Variants in PDE4B observed in about 807,000 individuals in gnomAD.
PDE4B encodes the protein 3',5'-cyclic-AMP phosphodiesterase 4B.
PDE4B carries 20 observed loss-of-function variants against 82.2 expected under a neutral mutation model. The ratio of observed to expected loss-of-function variants is 0.24; its 90% CI spans 0.17 to 0.35. PDE4B has a LOEUF of 0.35. PDE4B is among the 10% of genes least tolerant of loss of function. The probability of loss-of-function intolerance (pLI) is 1.00; values close to 1 mark genes in which losing one functional copy is unlikely to be tolerated. For synonymous variants in PDE4B, 320 were observed against 318.9 expected (o/e 1.00, Z -0.04); for missense variants, 655 against 907.2 (o/e 0.72, Z 3.57).
intron 3 of PDE4B, among the ~76,000 whole-genome samples, chr1:65,977,105 T>G (rs1650448521): frequency 6.6e-6 from 1 of 152,190 alleles, no homozygotes; most frequent in African/African-American, 2.4e-5. Flanking sequence ...GTTATAATTC[T>G]CCCTTTTTCT....
chr1:65,902,392 G>C (rs964631718), intron 1 of PDE4B, among the ~76,000 whole-genome samples: 3 of 152,126 alleles, frequency 2.0e-5, no homozygotes, highest in Non-Finnish European at 4.4e-5. Context: ...TGGTAGCTAA[G>C]TATCAGTGAT....
At chr1:66,228,387 G>A (rs1024015313) in intron 3 of PDE4B, among the ~76,000 whole-genome samples, 1 of 152,132 alleles carries the variant, frequency 6.6e-6, no homozygotes, top group Non-Finnish European at 1.5e-5. Context: ...AACTTTGGGA[G>A]GCCAAGGCGG....
intron 13 of PDE4B, among the ~76,000 whole-genome samples, chr1:66,366,700 G>C (rs1217277268): frequency 6.6e-6 from 1 of 152,198 alleles, no homozygotes; most frequent in African/African-American, 2.4e-5. Context: ...GATTGTATCA[G>C]TTGGTAGAAT....
chr1:66,354,974 C>T (rs1662125109), intron 8 of PDE4B: 5 of 1,258,098 alleles, frequency 4.0e-6, no homozygotes, highest in Non-Finnish European at 5.6e-6. Flanking sequence ...AAGTACAGGA[C>T]ATCTGTAATA....
chr1:66,236,359 T>C (rs1001060429), intron 3 of PDE4B, among the ~76,000 whole-genome samples: 27 of 152,194 alleles, frequency 1.8e-4, no homozygotes, highest in African/African-American at 6.3e-4. Context: ...ACATATGTCA[T>C]GAACTTCACA....
intron 3 of PDE4B, among the ~76,000 whole-genome samples, chr1:65,998,039 G>A (rs1651648746): frequency 6.6e-6 from 1 of 152,014 alleles, no homozygotes; most frequent in Non-Finnish European, 1.5e-5. Context: ...AGGAAATCCT[G>A]TTAACAAATA....
chr1:65,810,663 G>A (rs1049981743), intron 1 of PDE4B, among the ~76,000 whole-genome samples: 3 of 152,164 alleles, frequency 2.0e-5, no homozygotes, highest in African/African-American at 7.2e-5. Context: ...ATTACACAGA[G>A]CCAGGATTCA....
intron 8 of PDE4B, 107 bp from the exon 9 acceptor site, chr1:66,355,420 A>G (rs1468123719): frequency 1.7e-5 from 10 of 587,954 alleles, no homozygotes; most frequent in Non-Finnish European, 3.1e-5. Context: ...ATCTAATGGT[A>G]TCTGCTCATC....
intron 3 of PDE4B, among the ~76,000 whole-genome samples, chr1:65,994,617 G>A (rs12565749): frequency 0.039 from 5,955 of 152,100 alleles, 490 homozygotes; most frequent in East Asian, 0.37. Context: ...AGTTTGCTGA[G>A]TAGTATAACT....
intron 1 of PDE4B, among the ~76,000 whole-genome samples, chr1:65,873,732 T>G (rs190426967): frequency 6.6e-6 from 1 of 152,332 alleles, no homozygotes; most frequent in Admixed American, 6.5e-5. Context: ...AAGACCAACA[T>G]TTTATGAAAA....
chr1:65,869,270 T>A (rs1188744337), intron 1 of PDE4B, among the ~76,000 whole-genome samples: 3 of 152,244 alleles, frequency 2.0e-5, no homozygotes, highest in Admixed American at 2.0e-4. Context: ...TGTCCTTGTT[T>A]CCATATTTGT....
rs563799653 is a variant in PDE4B at position 66,019,773 on chromosome 1, C to A, written c.281+100938C>A. ...GATTTTAATATCATCTAACAATATTCTTTTGTTGTTTAATCACACTTTATA... is the reference window on the plus strand; with the variant it reads ...GATTTTAATATCATCTAACAATATTATTTTGTTGTTTAATCACACTTTATA... On this transcript the variant is annotated intron_variant, in intron 3 of 16. Coordinates refer to ENST00000341517, the MANE Select transcript of PDE4B (RefSeq NM_002600.4). Among the ~76,000 whole-genome samples, 5 of 152,316 alleles carry A rather than the reference C, an allele frequency of 3.3e-5. No individual in the cohort carries two copies. The East Asian group carries it at 7.7e-4, about 23-fold the overall frequency.
Position 65,924,077 on chromosome 1 carries a change from A to ATTTTTT in PDE4B, c.281+5252_281+5257dup, listed in dbSNP as rs71058436. 9.0e-3 allele frequency among the ~76,000 whole-genome samples: 368 copies of ATTTTTT among 40,780 alleles called. 104 individuals carry two copies. The East Asian group carries it at 0.14, about 16-fold the overall frequency. The allele number at this position is 40,780 out of a possible 152,430, so 26.8% of individuals were successfully genotyped here. ...TTCTAATCTGCCTTCCAGTTTGCTA[A>ATTTTTT]TTTTTTTTTTTTTTTGAGACGGAGT... On this transcript the variant is annotated intron_variant, in intron 3 of 16. Coordinates refer to ENST00000341517, the MANE Select transcript of PDE4B (RefSeq NM_002600.4).
chr1:66,033,307 T>A (rs1653892102), intron 3 of PDE4B, among the ~76,000 whole-genome samples: 1 of 152,118 alleles, frequency 6.6e-6, no homozygotes, highest in African/African-American at 2.4e-5. Context: ...TAAAACAATA[T>A]GAACAGAATG....
intron 1 of PDE4B, among the ~76,000 whole-genome samples, chr1:65,867,271 G>A (rs1372093440): frequency 6.6e-6 from 1 of 152,046 alleles, no homozygotes; most frequent in Non-Finnish European, 1.5e-5. Flanking sequence ...CAAAAAAAGT[G>A]TTTTCATAGT....
chr1:65,830,171 ATAAAT>A (rs1646065935), intron 1 of PDE4B, among the ~76,000 whole-genome samples: 1 of 152,210 alleles, frequency 6.6e-6, no homozygotes, highest in Admixed American at 6.5e-5. Flanking sequence ...GAGCAAGAAA[ATAAAT>A]TATGTGGCAC....
chr1:66,330,568 ATTAG>A (rs1170461238), intron 7 of PDE4B, among the ~76,000 whole-genome samples: 3 of 152,204 alleles, frequency 2.0e-5, no homozygotes, highest in Non-Finnish European at 4.4e-5. Context: ...AATGTCCAAT[ATTAG>A]TTACAGAGAA....
intron 1 of PDE4B, among the ~76,000 whole-genome samples, chr1:65,826,894 G>A (rs1276053543): frequency 1.3e-5 from 2 of 152,068 alleles, no homozygotes; most frequent in Non-Finnish European, 2.9e-5. Context: ...ACCCCACCAT[G>A]TACATCAAAT....
intron 3 of PDE4B, among the ~76,000 whole-genome samples, chr1:65,971,128 CAG>C (rs1304144792): frequency 6.6e-6 from 1 of 151,046 alleles, no homozygotes; most frequent in Non-Finnish European, 1.5e-5. Flanking sequence ...TAGTGAGAGA[CAG>C]AGAGGAATAA....
Sources: allele counts gnomAD v4.1 joint callset (sites outside exome capture counted in the v4.1 genomes callset), GRCh38; gene constraint gnomAD v4.1.1; transcripts MANE v1.5; gene names NCBI Gene and HGNC (gene_info 2026-07-23, HGNC 2026-07-21).